The following MCCC2 variants were observed in gnomAD, a reference collection of about 807,000 sequenced individuals.
The protein encoded by MCCC2 is methylcrotonyl-CoA carboxylase subunit 2.
In MCCC2, 52 loss-of-function variants were observed where a neutral mutation model predicts 77.2. The observed-to-expected ratio is 0.67, with a 90% CI of 0.54 to 0.85. MCCC2 has a LOEUF of 0.85. MCCC2 is among the 40% of genes least tolerant of loss of function. MCCC2 has a pLI of 0.00. For synonymous variants in MCCC2, 253 were observed against 248.4 expected, an observed-to-expected ratio of 1.02 and a Z score of -0.18; for missense variants, 682 against 703.2, an observed-to-expected ratio of 0.97 and a Z score of 0.34.
chr5:71,594,266 C>T (rs138980626), intron 2 of MCCC2, among the ~76,000 whole-genome samples: 18 of 152,172 alleles, frequency 1.2e-4, no homozygotes, highest in African/African-American at 3.4e-4. Context: ...CAGTGGCTCA[C>T]GCCTGTAATC....
rs369716018 is a variant in MCCC2, at chr5:71,587,406, C to G, written c.-20C>G. 5.2e-4 allele frequency: 804 copies of G among 1,532,978 alleles called. 3 individuals are homozygous for G. The African/African-American group carries it at 8.2e-3, about 16-fold the overall frequency. The allele number at this position is 1,532,978 out of a possible 1,614,324, so 95.0% of individuals were successfully genotyped here. On this transcript the variant is annotated 5_prime_UTR_variant, in exon 1 of 17. Coordinates refer to ENST00000340941, the MANE Select transcript of MCCC2 (RefSeq NM_022132.5). ...GCTCCAGGCCAGCGTGGGCCGCTCT[C>G]TCGCTCGGTGCCCGCCGCCATGTGG...
intron 6 of MCCC2, among the ~76,000 whole-genome samples, chr5:71,613,847 G>A (rs1036185886): frequency 1.8e-4 from 28 of 152,002 alleles, no homozygotes; most frequent in African/African-American, 6.7e-4. Context: ...GACATCTTCA[G>A]TGCAGATTTC....
At chr5:71,654,620 G>C (rs1037833787) in intron 16 of MCCC2, among the ~76,000 whole-genome samples, 1 of 151,990 alleles carries the variant, frequency 6.6e-6, no homozygotes, top group Non-Finnish European at 1.5e-5. Context: ...ATTAAAGTTT[G>C]AAAAATTGTG....
intron 10 of MCCC2, among the ~76,000 whole-genome samples, chr5:71,639,273 A>T (rs180847384): frequency 1.1e-3 from 173 of 152,316 alleles, no homozygotes; most frequent in Non-Finnish European, 2.2e-3. Context: ...TCTACACTGA[A>T]AATCTGTTGT....
At chr5:71,614,930 T>G (rs912572344) in intron 6 of MCCC2, among the ~76,000 whole-genome samples, 2 of 152,232 alleles carry the variant, frequency 1.3e-5, no homozygotes, top group Non-Finnish European at 2.9e-5. Flanking sequence ...TTCTAGCTTC[T>G]GCTGTTTTTG....
chr5:71,631,695 C>T (rs1440053790), intron 7 of MCCC2, among the ~76,000 whole-genome samples: 5 of 152,026 alleles, frequency 3.3e-5, no homozygotes, highest in Admixed American at 6.5e-5. Flanking sequence ...CGCCCGCCAC[C>T]GCGCCCAGCT....
At chr5:71,621,471 G>A (rs1746346949) in intron 6 of MCCC2, among the ~76,000 whole-genome samples, 1 of 152,198 alleles carries the variant, frequency 6.6e-6, no homozygotes, top group Non-Finnish European at 1.5e-5. Flanking sequence ...TGGTGCACCT[G>A]TAGTCGCAGC....
chr5:71,621,895 G>A (rs189538290), intron 6 of MCCC2, among the ~76,000 whole-genome samples: 4 of 152,280 alleles, frequency 2.6e-5, no homozygotes, highest in Admixed American at 1.3e-4. Context: ...CTTAAAGTAT[G>A]TAATTGGATT....
At chr5:71,588,319 G>A (rs1325515245) in intron 1 of MCCC2, among the ~76,000 whole-genome samples, 1 of 150,276 alleles carries the variant, frequency 6.7e-6, no homozygotes, top group Non-Finnish European at 1.5e-5. Context: ...ATATCCCACA[G>A]TATCTTTGAG....
intron 11 of MCCC2, 196 bp from the exon 12 acceptor site, chr5:71,643,623 G>A: frequency 3.1e-6 from 3 of 975,654 alleles, no homozygotes; most frequent in Non-Finnish European, 4.5e-6. Context: ...ACCCTTTCTA[G>A]AAGCAAAAGA....
chr5:71,633,491 C>CT (rs1441687424), intron 8 of MCCC2, among the ~76,000 whole-genome samples: 1 of 151,810 alleles, frequency 6.6e-6, no homozygotes, highest in Non-Finnish European at 1.5e-5. Flanking sequence ...AGTAATAACT[C>CT]TATTACTGTT....
chr5:71,634,511 T>A (rs1433887149), intron 8 of MCCC2, among the ~76,000 whole-genome samples: 2 of 152,236 alleles, frequency 1.3e-5, no homozygotes, highest in Admixed American at 6.5e-5. Flanking sequence ...ACACAGTTTA[T>A]GCCGTAACCA....
At chr5:71,609,356 G>A (rs1031158249) in intron 6 of MCCC2, among the ~76,000 whole-genome samples, 13 of 151,912 alleles carry the variant, frequency 8.6e-5, no homozygotes, top group African/African-American at 2.7e-4. Flanking sequence ...ACAGTTGATC[G>A]CTTCAGCTCC....
intron 6 of MCCC2, among the ~76,000 whole-genome samples, chr5:71,622,238 A>G (rs1222967744): frequency 2.6e-5 from 4 of 151,644 alleles, no homozygotes; most frequent in Non-Finnish European, 5.9e-5. Context: ...TGTACCACAG[A>G]TGAATGCAAC....
intron 8 of MCCC2, among the ~76,000 whole-genome samples, chr5:71,634,627 C>T (rs374728633): frequency 2.6e-5 from 4 of 152,190 alleles, no homozygotes; most frequent in East Asian, 3.8e-4. Context: ...AGCAAGGCCC[C>T]TTGGTCTAGC....
At position 71,635,137 on chromosome 5, in the gene MCCC2, C is replaced by T. The variant is rs1230448630; in HGVS notation, c.904-14C>T. The T allele has an allele frequency of 6.2e-7, 1 of 1,613,322 alleles. No homozygotes were observed. Among genetic ancestry groups the T allele is most frequent in the Non-Finnish European group, 8.5e-7 (1 of 1,179,386 alleles). On this transcript the variant is annotated splice_polypyrimidine_tract_variant and intron_variant, in intron 9 of 16. Transcript: ENST00000340941. ...ATGTCTTTAAACAGGTTAACATGAT[C>T]TATATTTCTGCAGGTCACCATTGAA...
chr5:71,642,600 G>A (rs1747155958), intron 11 of MCCC2, among the ~76,000 whole-genome samples: 1 of 152,226 alleles, frequency 6.6e-6, no homozygotes, highest in South Asian at 2.1e-4. Context: ...TAACAGGGTT[G>A]CGCATTTGCA....
chr5:71,652,074 G>A (rs755572192), intron 15 of MCCC2, among the ~76,000 whole-genome samples: 5 of 152,152 alleles, frequency 3.3e-5, no homozygotes, highest in Non-Finnish European at 7.3e-5. Flanking sequence ...TTTTTGAGTT[G>A]AAAGTATTTT....
intron 6 of MCCC2, among the ~76,000 whole-genome samples, chr5:71,624,073 A>T (rs1300757299): frequency 6.6e-6 from 1 of 152,216 alleles, no homozygotes; most frequent in East Asian, 1.9e-4. Flanking sequence ...GGGTACGAGC[A>T]TGGCCTGGTT....
Sources: allele counts gnomAD v4.1 joint callset (sites outside exome capture counted in the v4.1 genomes callset), GRCh38; gene constraint gnomAD v4.1.1; transcripts MANE v1.5; gene names NCBI Gene and HGNC (gene_info 2026-07-23, HGNC 2026-07-21).